The following GLB1L2 variants were observed in gnomAD, a reference collection of about 807,000 sequenced individuals.
The protein encoded by GLB1L2 is galactosidase beta 1 like 2.
GLB1L2 carries 68 observed loss-of-function variants against 84.1 expected under a neutral mutation model. The observed-to-expected ratio is 0.81, with a 90% CI of 0.67 to 0.99. The LOEUF (loss-of-function observed/expected upper bound fraction) is 0.99, where lower values mean the gene tolerates loss of function less well. Ranked by LOEUF, GLB1L2 falls within the 50% of genes least tolerant of loss-of-function variation. GLB1L2 has a pLI of 0.00. For synonymous variants in GLB1L2, 290 were observed against 318.0 expected (o/e 0.91, Z 0.94); for missense variants, 762 against 805.6 (o/e 0.95, Z 0.66).
At position 134,370,793 on chromosome 11, in the gene GLB1L2, C is replaced by T. The variant is rs1943942410; in HGVS notation, c.1216-215C>T. ...GGACTGAGGCTGTGATGTGTGTCCC[C>T]TGCCTGCGGACTGCACTCTGCTGGT... On this transcript the variant is annotated intron_variant, in intron 12 of 18. Transcript: ENST00000535456. The surrounding 1 kb of genome is among the most constrained non-coding windows in gnomAD (Gnocchi z 4.7). Among the ~76,000 whole-genome samples, 1 of 152,172 alleles carries T rather than the reference C, an allele frequency of 6.6e-6. No homozygotes were observed. The highest frequency in any genetic ancestry group is 6.5e-5 in the Admixed American group (1 of 15,284).
At chr11:134,373,291 A>T (rs546166929) in intron 15 of GLB1L2, among the ~76,000 whole-genome samples, 1 of 151,730 alleles carries the variant, frequency 6.6e-6, no homozygotes, top group Admixed American at 6.6e-5. Context: ...CAGTCCAAAC[A>T]CTCCTAATGC....
intron 16 of GLB1L2, 96 bp downstream of exon 16, chr11:134,373,904 C>T (rs1943990387): frequency 1.0e-6 from 1 of 961,294 alleles, no homozygotes; most frequent in Non-Finnish European, 1.6e-6. Context: ...TGGCCCGCAC[C>T]CAGGTGTGAA....
chr11:134,344,868 G>A (rs1943526696), intron 3 of GLB1L2, among the ~76,000 whole-genome samples, 166 bp from the exon 4 acceptor site: 1 of 152,236 alleles, frequency 6.6e-6, no homozygotes, highest in African/African-American at 2.4e-5. Context: ...GAGGCTGGGA[G>A]CAGCTCAGGC....
At chr11:134,356,784 C>G (rs923094505) in intron 6 of GLB1L2, among the ~76,000 whole-genome samples, 2 of 152,160 alleles carry the variant, frequency 1.3e-5, no homozygotes, top group Non-Finnish European at 1.5e-5. Context: ...CCATACCAAG[C>G]AAAGAAGAAT....
In GLB1L2 at chr11:134,371,003, C is replaced by T. The variant is rs369199287; in HGVS notation, c.1216-5C>T. 8.9e-5 allele frequency: 144 copies of T among 1,613,638 alleles called. No homozygotes were observed. Among genetic ancestry groups the T allele is most frequent in the Middle Eastern group, 8.2e-4 (5 of 6,084 alleles). ...TGCCCACCCCTCCATCTCTTCTGTA[C>T]GCAGCCAATCAAGTCTGAAAAGCCC... is the stretch of plus-strand genomic sequence containing the variant. On this transcript the variant is annotated splice_polypyrimidine_tract_variant and splice_region_variant and intron_variant, in intron 12 of 18. Transcript: ENST00000535456.
Position 134,371,442 on chromosome 11 carries a change from A to G in GLB1L2, c.1378A>G (p.Ile460Val), listed in dbSNP as rs780149074. The G allele has an allele frequency of 1.5e-5, 24 of 1,597,878 alleles. No homozygotes were observed. Among genetic ancestry groups the G allele is most frequent in the Non-Finnish European group, 1.9e-5 (22 of 1,165,272 alleles). Residue 460 changes from isoleucine to valine, a missense_variant, in exon 14 of 19, where the codon ATA becomes GTA. By Grantham distance (29) the Ile-to-Val change is conservative (BLOSUM62 3). Around this residue, in one of 3 missense-constraint regions of GLB1L2, gnomAD observed 603 missense variants for 611.7 expected, o/e 0.99. Transcript: ENST00000535456. ...GCAGGTGTTTGTGAACACAGTATCC[A>G]TAGGATTCTTGGACTACAAGACAAC... is the stretch of plus-strand genomic sequence containing the variant. Reference protein sequence around the residue: ...RGQVFVNTVSIGFLDYKTTKI... With the variant: ...RGQVFVNTVSVGFLDYKTTKI...
chr11:134,360,172 C>T (rs888411074), intron 7 of GLB1L2: 1 of 152,328 alleles, frequency 6.6e-6, no homozygotes, highest in Non-Finnish European at 1.5e-5. Context: ...GGGGCCCTTC[C>T]TGTGGCCTCC....
At chr11:134,333,490 C>G (rs1157559290) in intron 1 of GLB1L2, among the ~76,000 whole-genome samples, 1 of 152,200 alleles carries the variant, frequency 6.6e-6, no homozygotes, top group Non-Finnish European at 1.5e-5. Context: ...GAAAGGCTAG[C>G]GGCTGCAGGC....
At chr11:134,365,015 C>A (rs1029504749) in intron 8 of GLB1L2, 9 of 152,696 alleles carry the variant, frequency 5.9e-5, no homozygotes, top group Admixed American at 5.2e-4. Context: ...CCCTGGCTCA[C>A]TGAGGGGCGT....
chr11:134,363,300 C>A (rs1943823408), intron 7 of GLB1L2, among the ~76,000 whole-genome samples: 1 of 152,216 alleles, frequency 6.6e-6, no homozygotes, highest in Non-Finnish European at 1.5e-5. Flanking sequence ...ATTTCACTTC[C>A]CCGGAGCCCC....
intron 5 of GLB1L2, among the ~76,000 whole-genome samples, chr11:134,352,658 T>C (rs1591616373): frequency 1.3e-5 from 2 of 151,460 alleles, no homozygotes; most frequent in East Asian, 3.9e-4. Context: ...TCTTTTTTTT[T>C]TTTTTTGAGA....
chr11:134,375,107 C>T lies in GLB1L2; in HGVS notation c.*49C>T, dbSNP rs763209112. The T allele has an allele frequency of 5.3e-6, 8 of 1,502,912 alleles. No homozygotes were observed. The highest frequency in any genetic ancestry group is 7.4e-6 in the Non-Finnish European group (8 of 1,087,280). The allele number at this position is 1,502,912 out of a possible 1,614,324, so 93.1% of individuals were successfully genotyped here. On this transcript the variant is annotated 3_prime_UTR_variant, in exon 19 of 19. Coordinates refer to ENST00000535456, the MANE Select transcript of GLB1L2 (RefSeq NM_001370461.1). ...TGCCAGTGGGAGACTGCCGCCTCCT[C>T]TTGACCTGAAGCCTGGTGGCTGCTG... is the stretch of plus-strand genomic sequence containing the variant.
chr11:134,366,811 C>T (rs1042208117), intron 8 of GLB1L2, among the ~76,000 whole-genome samples: 21 of 143,392 alleles, frequency 1.5e-4, no homozygotes, highest in Non-Finnish European at 1.5e-4. Flanking sequence ...AGGGCCCACT[C>T]TGCAGCGTCT....
rs997922457 is a variant in GLB1L2 at position 134,339,624 on chromosome 11, A to G, written c.87-3130A>G. 6.6e-6 allele frequency among the ~76,000 whole-genome samples: 1 copy of G among 152,072 alleles called. No individual in the cohort carries two copies. Among genetic ancestry groups the G allele is most frequent in the African/African-American group, 2.4e-5 (1 of 41,402 alleles). On this transcript the variant is annotated intron_variant, in intron 1 of 18. Coordinates refer to ENST00000535456, the MANE Select transcript of GLB1L2 (RefSeq NM_001370461.1). This position sits in a 1 kb window ranked among gnomAD's most constrained non-coding sequence, Gnocchi z 5.7. ...TGCTATGCACTGAGAAGAACGTTTC[A>G]TTCTAAAAATATAGAAAATGGTGTG... is the stretch of plus-strand genomic sequence containing the variant.
At position 134,368,503 on chromosome 11, in the gene GLB1L2, A is replaced by G. The variant is rs568350441; in HGVS notation, c.890-141A>G. 1.2e-4 allele frequency: 96 copies of G among 808,332 alleles called. 1 individual carries two copies. The South Asian group carries it at 1.5e-3, about 13-fold the overall frequency. The allele number at this position is 808,332 out of a possible 1,614,324, so 50.1% of individuals were successfully genotyped here. A position where few individuals can be genotyped will look rare whatever the true frequency, so the allele number is the denominator to read the frequency against. On this transcript the variant is annotated intron_variant, in intron 9 of 18. Coordinates refer to ENST00000535456, the MANE Select transcript of GLB1L2 (RefSeq NM_001370461.1). ...CCTAATCTTCTGTGATTGGGGTTTT[A>G]TGAGAGCTAGAAGGACAGAGTGACA...
chr11:134,335,712 C>T (rs1943376528), intron 1 of GLB1L2, among the ~76,000 whole-genome samples: 2 of 152,280 alleles, frequency 1.3e-5, no homozygotes, highest in South Asian at 2.1e-4. Flanking sequence ...GGGTTCTTCC[C>T]ACCTTAAGGT....
At chr11:134,350,055 C>T (rs963320385) in intron 5 of GLB1L2, among the ~76,000 whole-genome samples, 22 of 152,322 alleles carry the variant, frequency 1.4e-4, no homozygotes, top group East Asian at 3.9e-4. Context: ...GAGCCACTTT[C>T]GTTGCTGTGA....
At chr11:134,371,313 G>A in intron 13 of GLB1L2, 108 bp from the exon 14 acceptor site, 1 of 1,195,418 alleles carries the variant, frequency 8.4e-7, no homozygotes, top group Non-Finnish European at 1.2e-6. Context: ...CTGCCCACTG[G>A]CCCCTCGTCT....
intron 15 of GLB1L2, 93 bp downstream of exon 15, chr11:134,371,923 G>A (rs1943959297): frequency 7.8e-7 from 1 of 1,275,390 alleles, no homozygotes; most frequent in African/African-American, 1.5e-5. Context: ...AGGCCATGGA[G>A]GCCTCTTGCA....
Sources: gnomAD v4.1 joint callset for allele counts (sites outside exome capture counted in the v4.1 genomes callset) on GRCh38, gnomAD v4.1.1 for gene constraint, gnomAD v4.1.1 regional missense constraint, Gnocchi (gnomAD v3.1) non-coding constraint, MANE v1.5 for transcripts, NCBI Gene and HGNC (gene_info 2026-07-23, HGNC 2026-07-21) for gene names.